Variants in RPL23 observed in about 807,000 individuals in gnomAD.
RPL23 encodes ribosomal protein L23.
For missense variants in RPL23, 79 were observed against 178.8 expected, an observed-to-expected ratio of 0.44 and a Z score of 3.18; for synonymous variants, 63 against 65.3, an observed-to-expected ratio of 0.97 and a Z score of 0.17.
chr17:38,853,721 GGAAAAAA>G, upstream of RPL23: 1 of 1,613,616 alleles, frequency 6.2e-7, no homozygotes, highest in Non-Finnish European at 8.5e-7. Flanking sequence ...CTTGAACGCC[GGAAAAAA>G]GAAAAAAGGA....
Position 38,847,931 on chromosome 17 carries a change from G to A in RPL23, c.*2201C>T, listed in dbSNP as rs976617097. 3.9e-5 allele frequency: 59 copies of A among 1,530,304 alleles called. No individual in the cohort carries two copies. In the African/African-American group the frequency reaches 7.8e-4, roughly 20 times the overall value. The allele number at this position is 1,530,304 out of a possible 1,614,324, so 94.8% of individuals were successfully genotyped here. A position where few individuals can be genotyped will look rare whatever the true frequency, so the allele number is the denominator to read the frequency against. Reference sequence around the variant, plus strand: ...CAAAGAATAAAATGTGAGGTGGGATGCAGTGGCTCACACTTGTAATTGCAG... The same window carrying A: ...CAAAGAATAAAATGTGAGGTGGGATACAGTGGCTCACACTTGTAATTGCAG... On this transcript the variant is annotated 3_prime_UTR_variant, in exon 5 of 5. Transcript: ENST00000479035.
intron 1 of RPL23, 106 bp downstream of exon 1, chr17:38,853,592 C>G (rs1913070252): frequency 1.4e-6 from 2 of 1,405,464 alleles, no homozygotes; most frequent in South Asian, 1.2e-5. Flanking sequence ...TCTCTCCGGC[C>G]TGAAGGAGAG....
intron 3 of RPL23, chr17:38,852,319 C>A: frequency 3.1e-6 from 1 of 322,970 alleles, no homozygotes; most frequent in Non-Finnish European, 5.7e-6. Flanking sequence ...GAGCCAAGAT[C>A]GTGCCATTGC....
intron 1 of RPL23, 151 bp downstream of exon 1, chr17:38,853,547 G>A (rs1016348311): frequency 1.1e-6 from 1 of 901,422 alleles, no homozygotes; most frequent in African/African-American, 1.6e-5. Context: ...CACTTTCGAG[G>A]GCCCTGGCAG....
intron 1 of RPL23, 182 bp from the exon 2 acceptor site, chr17:38,853,287 T>G (rs903758776): frequency 1.4e-5 from 9 of 655,044 alleles, no homozygotes; most frequent in Non-Finnish European, 2.5e-5. Context: ...TCACGGAAAG[T>G]AGCCTATTTC....
rs1223621543 is a variant in RPL23 at position 38,849,419 on chromosome 17, CG to C, written c.*712del. 1 of 152,090 alleles carries C rather than the reference CG, an allele frequency of 6.6e-6. No homozygotes were observed. The highest frequency in any genetic ancestry group is 1.5e-5 in the Non-Finnish European group (1 of 68,026). The allele number at this position is 152,090 out of a possible 1,614,324, so 9.4% of individuals were successfully genotyped here. On this transcript the variant is annotated 3_prime_UTR_variant, in exon 5 of 5. Coordinates refer to ENST00000479035, the MANE Select transcript of RPL23 (RefSeq NM_000978.4). ...TGGATGGAGTACAATGGTGCAATCT[CG>C]ACTCGCTGCAAACTCCACCTCCCAG...
intron 2 of RPL23, 117 bp from the exon 3 acceptor site, chr17:38,852,849 A>G (rs746522864): frequency 6.7e-7 from 1 of 1,490,538 alleles, no homozygotes; most frequent in South Asian, 1.1e-5. Flanking sequence ...CCAAGCAGTT[A>G]GTCCGCAAGA....
intron 1 of RPL23, 111 bp from the exon 2 acceptor site, chr17:38,853,216 G>A (rs1486084051): frequency 1.2e-6 from 1 of 819,190 alleles, no homozygotes; most frequent in East Asian, 2.6e-5. Flanking sequence ...TTGATAGACT[G>A]TACGCTATAG....
rs774474669 is a variant in RPL23, at chr17:38,850,235, A to G, written c.341-21T>C. On this transcript the variant is annotated intron_variant, in intron 4 of 4. Coordinates refer to ENST00000479035, the MANE Select transcript of RPL23 (RefSeq NM_000978.4). ...AGAACCTGCATTAAAAAAATAAAAT[A>G]AAATAAAATAAAAACATGTGGGGGA... 13 of 1,567,542 alleles carry G rather than the reference A, an allele frequency of 8.3e-6. No individual in the cohort carries two copies. The East Asian group carries it at 3.0e-4, about 36-fold the overall frequency.
chr17:38,853,565 G>A, intron 1 of RPL23, 133 bp downstream of exon 1: 1 of 1,093,860 alleles, frequency 9.1e-7, no homozygotes, highest in South Asian at 1.3e-5. Context: ...CAGTGCTCTC[G>A]CGGTGGCCTG....
chr17:38,852,558 C>A (rs767071366), intron 3 of RPL23, 46 bp downstream of exon 3: 1 of 1,592,182 alleles, frequency 6.3e-7, no homozygotes. Flanking sequence ...AGGAAAGCGT[C>A]CCCCCACTAC....
Position 38,847,969 on chromosome 17 carries a change from C to G in RPL23, c.*2163G>C. The G allele has an allele frequency of 6.5e-7, 1 of 1,549,226 alleles. No homozygotes were observed. The highest frequency in any genetic ancestry group is 8.7e-7 in the Non-Finnish European group (1 of 1,146,376). On this transcript the variant is annotated 3_prime_UTR_variant, in exon 5 of 5. Coordinates refer to ENST00000479035, the MANE Select transcript of RPL23 (RefSeq NM_000978.4). ...CTTGTAATTGCAGCCCTTTGAAGGCCACAGCAGGAGGATTCCAAGTCCAGC... is the reference window on the plus strand; with the variant it reads ...CTTGTAATTGCAGCCCTTTGAAGGCGACAGCAGGAGGATTCCAAGTCCAGC...
Position 38,853,695 on chromosome 17 carries a change from C to T in RPL23, c.13+3G>A, listed in dbSNP as rs771169053. The T allele has an allele frequency of 3.1e-6, 5 of 1,614,198 alleles. No individual in the cohort carries two copies. In the African/African-American group the frequency reaches 4.0e-5, roughly 13 times the overall value. On this transcript the variant is annotated splice_donor_region_variant and intron_variant, in intron 1 of 4. Coordinates refer to ENST00000479035, the MANE Select transcript of RPL23 (RefSeq NM_000978.4). ...GGAGGATCCTCCAGAAACAAAACCTCACCTCGCTTCGACATCTTGAACGCC... is the reference window on the plus strand; with the variant it reads ...GGAGGATCCTCCAGAAACAAAACCTTACCTCGCTTCGACATCTTGAACGCC...
intron 3 of RPL23, chr17:38,852,320 G>T: frequency 3.1e-6 from 1 of 322,274 alleles, no homozygotes. Context: ...AGCCAAGATC[G>T]TGCCATTGCA....
chr17:38,853,483 C>T, intron 1 of RPL23: 1 of 724,094 alleles, frequency 1.4e-6, no homozygotes, highest in Middle Eastern at 2.3e-4. Flanking sequence ...TCGCGGTATC[C>T]AGACTACATT....
In RPL23 at chr17:38,849,969, C is replaced by A. The variant is rs1030603548; in HGVS notation, c.*163G>T. 2 of 538,768 alleles carry A rather than the reference C, an allele frequency of 3.7e-6. No individual in the cohort carries two copies. Among genetic ancestry groups the A allele is most frequent in the Non-Finnish European group, 6.4e-6 (2 of 310,422 alleles). The allele number at this position is 538,768 out of a possible 1,614,324, so 33.4% of individuals were successfully genotyped here. Reference sequence around the variant, plus strand: ...CCTGTCTCCACCAAAAATACAAAAACTAGCCAGGCATGACGGCAGGTGCCT... The same window carrying A: ...CCTGTCTCCACCAAAAATACAAAAAATAGCCAGGCATGACGGCAGGTGCCT... On this transcript the variant is annotated 3_prime_UTR_variant, in exon 5 of 5. Coordinates refer to ENST00000479035, the MANE Select transcript of RPL23 (RefSeq NM_000978.4).
At chr17:38,853,134 A>AT in intron 1 of RPL23, 29 bp from the exon 2 acceptor site, 1 of 1,555,314 alleles carries the variant, frequency 6.4e-7, no homozygotes, top group East Asian at 2.2e-5. Context: ...GGGAAACAGG[A>AT]TAAAGAGATC....
chr17:38,847,952 T>TGCA lies in RPL23; in HGVS notation c.*2177_*2179dup. 2 of 1,547,448 alleles carry TGCA rather than the reference T, an allele frequency of 1.3e-6. No individual in the cohort carries two copies. The highest frequency in any genetic ancestry group is 1.7e-6 in the Non-Finnish European group (2 of 1,145,808). ...GGATGCAGTGGCTCACACTTGTAATTGCAGCCCTTTGAAGGCCACAGCAGG... is the reference window on the plus strand; with the variant it reads ...GGATGCAGTGGCTCACACTTGTAATTGCAGCAGCCCTTTGAAGGCCACAGCAGG... On this transcript the variant is annotated 3_prime_UTR_variant, in exon 5 of 5. Coordinates refer to ENST00000479035, the MANE Select transcript of RPL23 (RefSeq NM_000978.4).
chr17:38,851,857 C>T (rs1420512547), intron 3 of RPL23: 1 of 152,128 alleles, frequency 6.6e-6, no homozygotes, highest in African/African-American at 2.4e-5. Context: ...AAGGGATGGC[C>T]AGGAACTCTT....
Sources: allele counts gnomAD v4.1 joint callset, GRCh38; gene constraint gnomAD v4.1.1; transcripts MANE v1.5; gene names NCBI Gene and HGNC (gene_info 2026-07-23, HGNC 2026-07-21).